The following RUBCNL variants were observed in gnomAD, a reference collection of about 807,000 sequenced individuals.
The protein encoded by RUBCNL is rubicon like autophagy enhancer.
RUBCNL carries 62 observed loss-of-function variants against 69.5 expected under a neutral mutation model. The ratio of observed to expected loss-of-function variants is 0.89; its 90% CI spans 0.73 to 1.10. The LOEUF is 1.10. Ranked by LOEUF, RUBCNL falls within the 50% of genes least tolerant of loss-of-function variation. The pLI is 0.00. For missense variants in RUBCNL, 768 were observed against 798.1 expected (o/e 0.96, Z 0.45); for synonymous variants, 291 against 303.6 (o/e 0.96, Z 0.43).
At chr13:46,377,167 T>C (rs553419277) in intron 2 of RUBCNL, among the ~76,000 whole-genome samples, 11 of 152,336 alleles carry the variant, frequency 7.2e-5, no homozygotes, top group African/African-American at 2.2e-4. Flanking sequence ...ACATATCTTT[T>C]GTGTGTTTGG....
chr13:46,348,453 G>A (rs946793943), intron 12 of RUBCNL, among the ~76,000 whole-genome samples: 3 of 151,978 alleles, frequency 2.0e-5, no homozygotes, highest in Non-Finnish European at 4.4e-5. Context: ...TCCATTATAC[G>A]GTTAGGCTGT....
intron 9 of RUBCNL, among the ~76,000 whole-genome samples, chr13:46,358,926 T>C (rs2138735127): frequency 6.6e-6 from 1 of 152,246 alleles, no homozygotes; most frequent in Admixed American, 6.5e-5. Context: ...TTTAGAAGTT[T>C]ATTCATTCAT....
At chr13:46,354,905 G>C in intron 10 of RUBCNL, 1 of 455,586 alleles carries the variant, frequency 2.2e-6, no homozygotes, top group Non-Finnish European at 4.4e-6. Context: ...ATAGTCATAT[G>C]TGTACAGTTT....
intron 3 of RUBCNL, among the ~76,000 whole-genome samples, chr13:46,369,958 T>C (rs112880374): frequency 5.3e-5 from 8 of 152,346 alleles, no homozygotes; most frequent in African/African-American, 1.4e-4. Context: ...CTGGTATATA[T>C]TGGAGGATCT....
intron 6 of RUBCNL, among the ~76,000 whole-genome samples, chr13:46,362,865 A>T (rs1175449439): frequency 7.5e-6 from 1 of 134,172 alleles, no homozygotes; most frequent in Non-Finnish European, 1.6e-5. Flanking sequence ...CTGCTTTTTC[A>T]TTCAACTCTA....
At chr13:46,389,010 G>A (rs2049305900), upstream of RUBCNL, among the ~76,000 whole-genome samples, 1 of 152,208 alleles carries the variant, frequency 6.6e-6, no homozygotes, top group Non-Finnish European at 1.5e-5. This position sits in a 1 kb window ranked among gnomAD's most constrained non-coding sequence, Gnocchi z 4.2. Context: ...TCCAAATACA[G>A]TATCCCAGGA....
chr13:46,367,185 A>G (rs1253159257), intron 5 of RUBCNL, among the ~76,000 whole-genome samples: 1 of 152,214 alleles, frequency 6.6e-6, no homozygotes, highest in Non-Finnish European at 1.5e-5. Context: ...ACTCCTCCTC[A>G]GTGACAGTGA....
intron 1 of RUBCNL, among the ~76,000 whole-genome samples, chr13:46,380,523 G>A (rs1313579563): frequency 6.6e-6 from 1 of 152,122 alleles, no homozygotes; most frequent in Non-Finnish European, 1.5e-5. Context: ...AAATTAGCAG[G>A]CTATTTTCAA....
intron 10 of RUBCNL, chr13:46,350,912 A>G (rs1211518863): frequency 6.7e-6 from 1 of 149,248 alleles, no homozygotes; most frequent in African/African-American, 2.6e-5. Context: ...ATTCACGGAA[A>G]GAAGAAATGC....
chr13:46,334,755 T>C lies in RUBCNL; in HGVS notation c.*8630A>G, dbSNP rs545753034. Among the ~76,000 whole-genome samples the C allele has an allele frequency of 2.6e-5, 4 of 152,348 alleles. No individual in the cohort carries two copies. The highest frequency in any genetic ancestry group is 2.1e-4 in the South Asian group (1 of 4,832). On this transcript the variant is annotated 3_prime_UTR_variant, in exon 15 of 15. Transcript: ENST00000429979. Reference sequence around the variant, plus strand: ...TGCTAAACATACTTTTCATAACTTATATCATTTAATCTGTACGACAACCTT... The same window carrying C: ...TGCTAAACATACTTTTCATAACTTACATCATTTAATCTGTACGACAACCTT...
chr13:46,356,206 A>C (rs73479376), intron 10 of RUBCNL, among the ~76,000 whole-genome samples: 1,690 of 152,276 alleles, frequency 0.011, 26 homozygotes, highest in African/African-American at 0.037. Context: ...GCTGATGCCC[A>C]ACAGGGAGAG....
In RUBCNL at chr13:46,335,259, TG is replaced by T. The variant is rs1191159596; in HGVS notation, c.*8125del. Among the ~76,000 whole-genome samples the T allele has an allele frequency of 1.7e-3, 189 of 110,656 alleles. No individual in the cohort carries two copies. Among genetic ancestry groups the T allele is most frequent in the South Asian group, 4.4e-3 (14 of 3,214 alleles). 72.6% of individuals were successfully genotyped at this position (110,656 alleles called of 152,430 possible). ...TGTGTCTTTTTGTTGTTGTTGTTGT[TG>T]TTTTTTTTTTTTTTTTTTTTTTTTT... On this transcript the variant is annotated 3_prime_UTR_variant, in exon 15 of 15. Transcript: ENST00000429979.
intron 3 of RUBCNL, among the ~76,000 whole-genome samples, chr13:46,370,602 G>T (rs1364826838): frequency 6.6e-6 from 1 of 152,208 alleles, no homozygotes; most frequent in Non-Finnish European, 1.5e-5. Context: ...GAGCTGTTGG[G>T]AGTCCTTGTC....
intron 12 of RUBCNL, 88 bp from the exon 13 acceptor site, chr13:46,345,688 C>T (rs1305152536): frequency 7.6e-7 from 1 of 1,322,182 alleles, no homozygotes; most frequent in African/African-American, 1.5e-5. Flanking sequence ...TCTTGGCACT[C>T]ACACTTAATT....
In RUBCNL at chr13:46,356,494, C is replaced by T. The variant is rs745406320; in HGVS notation, c.1268G>A (p.Arg423Lys). Residue 423 changes from arginine (R) to lysine (K), a missense_variant and splice_region_variant, in exon 10 of 15, where the codon AGG becomes AAG. Arg to Lys is a conservative substitution (Grantham distance 26). Transcript: ENST00000429979. ...ATTCTGGGCTGCCACCACAAGGTCCCTCCTGAATACGAAAAATAATACTAG... is the reference window on the plus strand; with the variant it reads ...ATTCTGGGCTGCCACCACAAGGTCCTTCCTGAATACGAAAAATAATACTAG... The part of the protein sequence containing the change: ...IIFNIHPPLK[R>K]DLVVAAQNFF... 4.3e-6 allele frequency: 7 copies of T among 1,613,436 alleles called. No individual in the cohort carries two copies. The African/African-American group carries it at 9.3e-5, about 22-fold the overall frequency.
chr13:46,355,082 C>T (rs1023011179), intron 10 of RUBCNL, among the ~76,000 whole-genome samples: 1 of 152,190 alleles, frequency 6.6e-6, no homozygotes, highest in African/African-American at 2.4e-5. Context: ...AAGCCCAGAT[C>T]GATTCCTGCT....
In RUBCNL at chr13:46,343,348, G is replaced by T. The variant is rs749398952; in HGVS notation, c.*37C>A. ...AGACACAAATCGGTGTTATCATAAG[G>T]CATGTTGAACAGTCTTTTTCACAGT... is the stretch of plus-strand genomic sequence containing the variant. On this transcript the variant is annotated 3_prime_UTR_variant, in exon 15 of 15. Transcript: ENST00000429979. The T allele has an allele frequency of 1.9e-6, 3 of 1,602,002 alleles. No individual in the cohort carries two copies. The highest frequency in any genetic ancestry group is 3.4e-5 in the Admixed American group (2 of 58,680).
chr13:46,364,881 T>C (rs1211794475), intron 5 of RUBCNL, among the ~76,000 whole-genome samples: 2 of 152,190 alleles, frequency 1.3e-5, no homozygotes, highest in African/African-American at 2.4e-5. Context: ...TTTATTCATG[T>C]TTTCTTAAAG....
chr13:46,371,889 G>A (rs1051337008), intron 3 of RUBCNL, 52 bp downstream of exon 3: 32 of 1,568,214 alleles, frequency 2.0e-5, no homozygotes, highest in East Asian at 1.1e-4. Flanking sequence ...AGAGCAAGGC[G>A]AAGCAAGGGT....
Sources: allele counts gnomAD v4.1 joint callset (sites outside exome capture counted in the v4.1 genomes callset), GRCh38; gene constraint gnomAD v4.1.1; non-coding constraint Gnocchi (gnomAD v3.1); transcripts MANE v1.5; gene names NCBI Gene and HGNC (gene_info 2026-07-23, HGNC 2026-07-21).